IL23R: variants seen among roughly 807,000 people sequenced by gnomAD.
IL23R encodes the protein interleukin 23 receptor.
Under a neutral mutation model 56.9 loss-of-function variants are expected in IL23R, and 34 were observed. The ratio of observed to expected loss-of-function variants is 0.60; its 90% CI spans 0.45 to 0.80. The LOEUF is 0.80. Ranked by LOEUF, IL23R falls within the 30% of genes least tolerant of loss-of-function variation. The pLI is 0.00. For missense variants in IL23R, 635 were observed against 730.0 expected (o/e 0.87, Z 1.50); for synonymous variants, 230 against 249.2 (o/e 0.92, Z 0.73).
intron 4 of IL23R, among the ~76,000 whole-genome samples, chr1:67,186,195 CA>C (rs1190250815): frequency 1.3e-5 from 2 of 152,198 alleles, no homozygotes; most frequent in Non-Finnish European, 2.9e-5. Flanking sequence ...GCACTTCAAG[CA>C]CACAGAAAAA....
At chr1:67,253,456 T>G (rs1311908017) in intron 9 of IL23R, among the ~76,000 whole-genome samples, 3 of 152,244 alleles carry the variant, frequency 2.0e-5, no homozygotes, top group Non-Finnish European at 4.4e-5. Context: ...GAATTGGCAC[T>G]GAGTTTCTCC....
the IL23R span, among the ~76,000 whole-genome samples, chr1:67,265,326 C>T: frequency 6.6e-6 from 1 of 152,150 alleles, no homozygotes; most frequent in African/African-American, 2.4e-5. Flanking sequence ...GTGACAGTTG[C>T]TATTCACTCC....
At chr1:67,256,563 G>T (rs993712184) in intron 10 of IL23R, among the ~76,000 whole-genome samples, 1 of 152,128 alleles carries the variant, frequency 6.6e-6, no homozygotes, top group African/African-American at 2.4e-5. Context: ...CTGTCAAGGG[G>T]CTCAAAACCC....
intron 3 of IL23R, among the ~76,000 whole-genome samples, chr1:67,174,082 A>C (rs1452298890): frequency 1.3e-5 from 2 of 152,136 alleles, no homozygotes; most frequent in Non-Finnish European, 2.9e-5. Context: ...GTTTGTTTAC[A>C]ATTTTTTCAT....
chr1:67,176,185 G>A (rs1647005441), intron 3 of IL23R, among the ~76,000 whole-genome samples: 1 of 152,128 alleles, frequency 6.6e-6, no homozygotes, highest in Non-Finnish European at 1.5e-5. Flanking sequence ...ATGCATATGG[G>A]AAATGAAGAA....
At chr1:67,202,378 C>A (rs555070361) in intron 5 of IL23R, among the ~76,000 whole-genome samples, 10 of 152,058 alleles carry the variant, frequency 6.6e-5, no homozygotes, top group South Asian at 6.2e-4. Context: ...ATCTATATTG[C>A]CACAAAGTTG....
At chr1:67,252,630 G>A (rs755618164) in intron 9 of IL23R, among the ~76,000 whole-genome samples, 12 of 152,096 alleles carry the variant, frequency 7.9e-5, no homozygotes, top group Admixed American at 1.3e-4. Flanking sequence ...GCTCCTGGGG[G>A]TCGTTAGAAG....
chr1:67,155,950 G>T (rs1646766800), intron 1 of IL23R, among the ~76,000 whole-genome samples: 1 of 152,182 alleles, frequency 6.6e-6, no homozygotes, highest in Non-Finnish European at 1.5e-5. Flanking sequence ...CATCTTTGAA[G>T]CTGATGACCT....
At chr1:67,209,338 T>C (rs898392693) in intron 6 of IL23R, among the ~76,000 whole-genome samples, 1 of 152,162 alleles carries the variant, frequency 6.6e-6, no homozygotes, top group African/African-American at 2.4e-5. Context: ...GGGCCAGGGA[T>C]GGAATGACAT....
rs1558243703 is a variant in IL23R at position 67,207,044 on chromosome 1, C to A, written c.787C>A (p.Gln263Lys). 3 of 1,613,808 alleles carry A rather than the reference C, an allele frequency of 1.9e-6. No individual in the cohort carries two copies. Among genetic ancestry groups the A allele is most frequent in the Non-Finnish European group, 2.5e-6 (3 of 1,179,958 alleles). Residue 263 changes from glutamine (Q) to lysine (K), a missense_variant, in exon 6 of 11, where the codon CAA (glutamine) becomes AAA (lysine). Gln to Lys is a moderately conservative substitution (Grantham distance 53). Transcript: ENST00000347310. ...CEMRYKATTNQTWNVKEFDTN... is the reference protein window; with the variant it reads ...CEMRYKATTNKTWNVKEFDTN... ...AATGAGATACAAGGCTACAACAAAC[C>A]AAACTTGGAATGTAAGCTCAACTTT...
chr1:67,201,778 TTAATAG>T (rs1291100171), intron 5 of IL23R, among the ~76,000 whole-genome samples: 3 of 152,176 alleles, frequency 2.0e-5, no homozygotes, highest in Admixed American at 6.5e-5. Flanking sequence ...TTAACAAACA[TTAATAG>T]TTTTTGTTTC....
chr1:67,195,186 C>A (rs1036526815), intron 4 of IL23R, among the ~76,000 whole-genome samples: 3 of 152,150 alleles, frequency 2.0e-5, no homozygotes, highest in African/African-American at 7.2e-5. Context: ...GTGCCTGCCA[C>A]CACACCTGGC....
At chr1:67,241,398 G>A (rs1422331366) in intron 9 of IL23R, among the ~76,000 whole-genome samples, 1 of 152,106 alleles carries the variant, frequency 6.6e-6, no homozygotes, top group Admixed American at 6.5e-5. Flanking sequence ...GTCACATTTA[G>A]CATGAACAAC....
At chr1:67,194,891 G>A (rs1473908287) in intron 4 of IL23R, among the ~76,000 whole-genome samples, 2 of 152,190 alleles carry the variant, frequency 1.3e-5, no homozygotes, top group East Asian at 1.9e-4. Flanking sequence ...AAGAATATAA[G>A]GTAACTATGT....
intron 4 of IL23R, among the ~76,000 whole-genome samples, chr1:67,198,212 C>T (rs1370736983): frequency 1.3e-5 from 2 of 152,170 alleles, no homozygotes; most frequent in East Asian, 1.9e-4. Flanking sequence ...GACTTTGCAA[C>T]ATGAGATTTG....
At chr1:67,148,782 C>T (rs1022401739) in intron 1 of IL23R, among the ~76,000 whole-genome samples, 1 of 152,238 alleles carries the variant, frequency 6.6e-6, no homozygotes, top group African/African-American at 2.4e-5. Context: ...AGTCATGTGA[C>T]TTTCTTTGAC....
At chr1:67,210,110 G>A (rs1413827099) in intron 6 of IL23R, among the ~76,000 whole-genome samples, 1 of 152,198 alleles carries the variant, frequency 6.6e-6, no homozygotes, top group Admixed American at 6.5e-5. Flanking sequence ...TGAGTCTTAG[G>A]TGAGCTTAAA....
intron 3 of IL23R, among the ~76,000 whole-genome samples, chr1:67,172,872 T>G (rs146611840): frequency 2.6e-5 from 4 of 152,334 alleles, no homozygotes; most frequent in African/African-American, 9.6e-5. Context: ...CATGTTATTA[T>G]CTTAATCAAG....
chr1:67,146,632 G>A (rs1031679369), intron 1 of IL23R, among the ~76,000 whole-genome samples: 17 of 152,092 alleles, frequency 1.1e-4, no homozygotes, highest in Admixed American at 6.6e-4. Flanking sequence ...TCTGTGCCAT[G>A]GCATTCTCTT....
Sources: gnomAD v4.1 joint callset for allele counts (sites outside exome capture counted in the v4.1 genomes callset) on GRCh38, gnomAD v4.1.1 for gene constraint, MANE v1.5 for transcripts, NCBI Gene and HGNC (gene_info 2026-07-23, HGNC 2026-07-21) for gene names.